The following SYT5 variants were observed in gnomAD, a reference collection of about 807,000 sequenced individuals.
The protein encoded by SYT5 is synaptotagmin 5, also known as synaptotagmin-5.
In SYT5, 29 loss-of-function variants were observed where a neutral mutation model predicts 36.0. The observed-to-expected ratio is 0.81, with a 90% confidence interval of 0.60 to 1.10. The LOEUF (loss-of-function observed/expected upper bound fraction) is 1.10, where lower values mean the gene tolerates loss of function less well. SYT5 is among the 50% of genes least tolerant of loss of function. SYT5 has a pLI of 0.00. For missense variants in SYT5, 512 were observed against 516.0 expected, an observed-to-expected ratio of 0.99 and a Z score of 0.08; for synonymous variants, 231 against 227.6, an observed-to-expected ratio of 1.02 and a Z score of -0.14.
At position 55,174,457 on chromosome 19, in the gene SYT5, G is replaced by T. The variant is rs533202577; in HGVS notation, c.960+60C>A. The T allele has an allele frequency of 3.6e-4, 574 of 1,582,082 alleles. 1 individual carries two copies. Among genetic ancestry groups the T allele is most frequent in the Non-Finnish European group, 4.5e-4 (528 of 1,163,458 alleles). ...GGGAGATGCTAAAAAGTCTCCCTCC[G>T]CCTAGCAATGGCGATTACTAAAGGT... On this transcript the variant is annotated intron_variant, in intron 8 of 8. Transcript: ENST00000354308.
At position 55,179,866 on chromosome 19, in the gene SYT5, C is replaced by CTCTG. The variant is rs2086132365; in HGVS notation, c.-46+250_-46+251insCAGA. On this transcript the variant is annotated intron_variant, in intron 1 of 8. Coordinates refer to ENST00000354308, the MANE Select transcript of SYT5 (RefSeq NM_003180.3). This position sits in a 1 kb window ranked among gnomAD's most constrained non-coding sequence, Gnocchi z 4.5. ...GTGTCTGCCTCCCCAACCCGCCTGTCTCTCTTCCCTATCGCCTGGCCTCTG... is the reference window on the plus strand; with the variant it reads ...GTGTCTGCCTCCCCAACCCGCCTGTCTCTGTCTCTTCCCTATCGCCTGGCCTCTG... 1.3e-5 allele frequency: 2 copies of CTCTG among 153,366 alleles called. No homozygotes were observed. The highest frequency in any genetic ancestry group is 4.1e-4 in the South Asian group (2 of 4,866). The allele number at this position is 153,366 out of a possible 1,614,324, so 9.5% of individuals were successfully genotyped here.
intron 8 of SYT5, chr19:55,174,132 G>A (rs140311544): frequency 7.1e-4 from 150 of 210,912 alleles, no homozygotes; most frequent in Non-Finnish European, 1.2e-3. Flanking sequence ...GCTTAGGAGT[G>A]GGGCATCCTG....
intron 8 of SYT5, among the ~76,000 whole-genome samples, chr19:55,174,314 G>C (rs1226313838): frequency 1.3e-5 from 2 of 152,148 alleles, no homozygotes; most frequent in Admixed American, 6.5e-5. Context: ...GCTTAGAGCA[G>C]ATAGGACACC....
rs2086054517 is a variant in SYT5, at chr19:55,174,930, C to T, written c.778G>A (p.Val260Ile). 1 of 1,614,028 alleles carries T rather than the reference C, an allele frequency of 6.2e-7. No individual in the cohort carries two copies. Among genetic ancestry groups the T allele is most frequent in the African/African-American group, 1.3e-5 (1 of 74,924 alleles). The change falls in exon 7 of 9, where the codon GTC (valine) becomes ATC (isoleucine). Residue 260 changes from valine to isoleucine, a missense_variant. Physicochemically the swap from Val to Ile is conservative, Grantham distance 29. Transcript: ENST00000354308. ...VPTAGKLTVI[V>I]LEAKNLKKMD... ...TTCTTCAGGTTTTTAGCCTCCAGGA[C>T]GATGACGGTGAGCTTCCCGGCCGTG...
In SYT5 at chr19:55,175,050, C is replaced by T. The variant is rs747880524; in HGVS notation, c.709-51G>A. On this transcript the variant is annotated intron_variant, in intron 6 of 8. Transcript: ENST00000354308. This position sits in a 1 kb window ranked among gnomAD's most constrained non-coding sequence, Gnocchi z 4.5. ...GAGCCCCGGCTCCACATCCATGCCT[C>T]CTCAGGGGTACAATCCACGCCGCCC... is the stretch of plus-strand genomic sequence containing the variant. 16 of 1,604,874 alleles carry T rather than the reference C, an allele frequency of 1.0e-5. No individual in the cohort carries two copies. The highest frequency in any genetic ancestry group is 1.7e-4 in the Middle Eastern group (1 of 6,054).
At position 55,173,197 on chromosome 19, in the gene SYT5, AGGGGGCAGGACCC is replaced by A; in HGVS notation, c.*274_*286del. 2.8e-6 allele frequency: 1 copy of A among 361,496 alleles called. No individual in the cohort carries two copies. The highest frequency in any genetic ancestry group is 4.9e-6 in the Non-Finnish European group (1 of 202,380). 22.4% of individuals were successfully genotyped at this position (361,496 alleles called of 1,614,324 possible). A position where few individuals can be genotyped will look rare whatever the true frequency, so the allele number is the denominator to read the frequency against. ...GACGAGGATGGCTGATTGTCAAAGC[AGGGGGCAGGACCC>A]GGGGGCAGGAGAAACCAGGCTGCCT... On this transcript the variant is annotated 3_prime_UTR_variant, in exon 9 of 9. Transcript: ENST00000354308. The surrounding 1 kb of genome is among the most constrained non-coding windows in gnomAD (Gnocchi z 5.4).
At chr19:55,178,147 G>A in intron 3 of SYT5, 49 bp downstream of exon 3, 1 of 1,580,328 alleles carries the variant, frequency 6.3e-7, no homozygotes, top group Non-Finnish European at 8.6e-7. Context: ...CCATTGAGAG[G>A]AGCAGGGTGC....
At chr19:55,174,366 C>CT (rs1216777734) in intron 8 of SYT5, 151 bp downstream of exon 8, 7 of 1,068,076 alleles carry the variant, frequency 6.6e-6, no homozygotes, top group Non-Finnish European at 9.2e-6. Context: ...GTGGAAGAGG[C>CT]TTCCTGGTCC....
rs1042873198 is a variant in SYT5 at position 55,175,645 on chromosome 19, G to T, written c.540+64C>A. Reference sequence around the variant, plus strand: ...CCTCCAGGAAAAGCGGAAGGGGTCGGTCCCTAGTGTTCCAGGGACTGGGCA... The same window carrying T: ...CCTCCAGGAAAAGCGGAAGGGGTCGTTCCCTAGTGTTCCAGGGACTGGGCA... On this transcript the variant is annotated intron_variant, in intron 5 of 8. Coordinates refer to ENST00000354308, the MANE Select transcript of SYT5 (RefSeq NM_003180.3). This position sits in a 1 kb window ranked among gnomAD's most constrained non-coding sequence, Gnocchi z 4.5. 5 of 1,578,656 alleles carry T rather than the reference G, an allele frequency of 3.2e-6. No individual in the cohort carries two copies. In the East Asian group the frequency reaches 1.1e-4, roughly 36 times the overall value.
At chr19:55,174,268 A>G (rs1169778631) in intron 8 of SYT5, among the ~76,000 whole-genome samples, 5 of 67,630 alleles carry the variant, frequency 7.4e-5, no homozygotes, top group African/African-American at 5.0e-4. Flanking sequence ...AGGGTGGAGC[A>G]TCTGGTACTG....
chr19:55,171,827 T>C lies in SYT5; in HGVS notation c.*1657A>G, dbSNP rs1447748253. On this transcript the variant is annotated 3_prime_UTR_variant, in exon 9 of 9. Transcript: ENST00000354308. Reference sequence around the variant, plus strand: ...AAAGAAAAAATTAGCTAGGCATGGTTGCATGTGCCTGTGGTCCCAGCTACT... The same window carrying C: ...AAAGAAAAAATTAGCTAGGCATGGTCGCATGTGCCTGTGGTCCCAGCTACT... 2 of 152,138 alleles carry C rather than the reference T, an allele frequency of 1.3e-5. No homozygotes were observed. Among genetic ancestry groups the C allele is most frequent in the African/African-American group, 4.8e-5 (2 of 41,420 alleles). The allele number at this position is 152,138 out of a possible 1,614,324, so 9.4% of individuals were successfully genotyped here.
chr19:55,178,124 G>A, intron 3 of SYT5, 72 bp downstream of exon 3: 2 of 1,517,812 alleles, frequency 1.3e-6, no homozygotes, highest in Non-Finnish European at 1.8e-6. Flanking sequence ...AGCAGGGACT[G>A]GGACCAGCTG....
At position 55,173,712 on chromosome 19, in the gene SYT5, A is replaced by G; in HGVS notation, c.961-28T>C. The stretch of plus-strand genomic sequence containing the variant: ...GGGGTGGGCGCGGGAGGAAGAGGAG[A>G]GAGGAGCGTGAGGGGAGGAGGCCCC... On this transcript the variant is annotated intron_variant, in intron 8 of 8. Transcript: ENST00000354308. This position sits in a 1 kb window ranked among gnomAD's most constrained non-coding sequence, Gnocchi z 5.4. 7.4e-7 allele frequency: 1 copy of G among 1,344,912 alleles called. No individual in the cohort carries two copies. Among genetic ancestry groups the G allele is most frequent in the Non-Finnish European group, 9.6e-7 (1 of 1,040,744 alleles). 83.3% of individuals were successfully genotyped at this position (1,344,912 alleles called of 1,614,324 possible).
At position 55,173,348 on chromosome 19, in the gene SYT5, A is replaced by C. The variant is rs2086025350; in HGVS notation, c.*136T>G. 1.6e-6 allele frequency: 1 copy of C among 633,712 alleles called. No homozygotes were observed. Among genetic ancestry groups the C allele is most frequent in the African/African-American group, 2.1e-5 (1 of 47,598 alleles). 39.3% of individuals were successfully genotyped at this position (633,712 alleles called of 1,614,324 possible). A position where few individuals can be genotyped will look rare whatever the true frequency, so the allele number is the denominator to read the frequency against. On this transcript the variant is annotated 3_prime_UTR_variant, in exon 9 of 9. Coordinates refer to ENST00000354308, the MANE Select transcript of SYT5 (RefSeq NM_003180.3). This position sits in a 1 kb window ranked among gnomAD's most constrained non-coding sequence, Gnocchi z 5.4. ...GGGTGAGAAGACAGGAATGGTTCAG[A>C]TGGTTGGGGTGGAAGGTGGGGGGAG...
Position 55,171,344 on chromosome 19 carries a change from C to T in SYT5, c.*2140G>A, listed in dbSNP as rs1312657733. 2.8e-5 allele frequency: 4 copies of T among 143,428 alleles called. No homozygotes were observed. The South Asian group carries it at 6.4e-4, about 23-fold the overall frequency. The allele number at this position is 143,428 out of a possible 1,614,324, so 8.9% of individuals were successfully genotyped here. A position where few individuals can be genotyped will look rare whatever the true frequency, so the allele number is the denominator to read the frequency against. ...ACACACACACACACACACACACACA[C>T]ACTCACACACATGAAAAGTTACTGA... On this transcript the variant is annotated 3_prime_UTR_variant, in exon 9 of 9. Transcript: ENST00000354308.
rs1411645592 is a variant in SYT5, at chr19:55,172,013, G to C, written c.*1471C>G. On this transcript the variant is annotated 3_prime_UTR_variant, in exon 9 of 9. Coordinates refer to ENST00000354308, the MANE Select transcript of SYT5 (RefSeq NM_003180.3). ...AAGAATCGCTTGAACCCGGGAGGCA[G>C]GGGTTGCGGTGAGCCGAGATTGCAC... The C allele has an allele frequency of 1.3e-5, 2 of 152,102 alleles. No homozygotes were observed. Among genetic ancestry groups the C allele is most frequent in the African/African-American group, 4.8e-5 (2 of 41,370 alleles). The allele number at this position is 152,102 out of a possible 1,614,324, so 9.4% of individuals were successfully genotyped here.
At chr19:55,174,839 C>G in intron 7 of SYT5, 43 bp downstream of exon 7, 1 of 1,598,450 alleles carries the variant, frequency 6.3e-7, no homozygotes, top group Non-Finnish European at 8.6e-7. Flanking sequence ...AGAACCCACC[C>G]CACGCCATCC....
rs7258287 is a variant in SYT5 at position 55,173,020 on chromosome 19, C to T, written c.*464G>A. ...AACAGCACTCACACCGCCCTGCGAGCGCCCATTCCTGGAAACGAGGTTTCC... is the reference window on the plus strand; with the variant it reads ...AACAGCACTCACACCGCCCTGCGAGTGCCCATTCCTGGAAACGAGGTTTCC... On this transcript the variant is annotated 3_prime_UTR_variant, in exon 9 of 9. Coordinates refer to ENST00000354308, the MANE Select transcript of SYT5 (RefSeq NM_003180.3). The surrounding 1 kb of genome is among the most constrained non-coding windows in gnomAD (Gnocchi z 5.4). The T allele has an allele frequency of 0.013, 2,021 of 157,526 alleles. 55 individuals are homozygous for T. Among genetic ancestry groups the T allele is most frequent in the African/African-American group, 0.046 (1,924 of 41,756 alleles). 9.8% of individuals were successfully genotyped at this position (157,526 alleles called of 1,614,324 possible).
rs1470874051 is a variant in SYT5 at position 55,171,714 on chromosome 19, C to G, written c.*1770G>C. The G allele has an allele frequency of 1.3e-5, 2 of 152,026 alleles. No individual in the cohort carries two copies. The highest frequency in any genetic ancestry group is 1.3e-4 in the Admixed American group (2 of 15,226). 9.4% of individuals were successfully genotyped at this position (152,026 alleles called of 1,614,324 possible). A position where few individuals can be genotyped will look rare whatever the true frequency, so the allele number is the denominator to read the frequency against. On this transcript the variant is annotated 3_prime_UTR_variant, in exon 9 of 9. Coordinates refer to ENST00000354308, the MANE Select transcript of SYT5 (RefSeq NM_003180.3). ...GATGCGGCGGCTCATGTCTACAGTC[C>G]CAGCTACTCACACAGGAGGATTGCA...
Sources: allele counts gnomAD v4.1 joint callset (sites outside exome capture counted in the v4.1 genomes callset), GRCh38; gene constraint gnomAD v4.1.1; non-coding constraint Gnocchi (gnomAD v3.1); transcripts MANE v1.5; gene names NCBI Gene and HGNC (gene_info 2026-07-23, HGNC 2026-07-21).